ARHGEF37: variants seen among roughly 807,000 people sequenced by gnomAD.
ARHGEF37 encodes the protein Rho guanine nucleotide exchange factor (GEF) 37.
In ARHGEF37, 55 loss-of-function variants were observed where a neutral mutation model predicts 71.1. The ratio of observed to expected loss-of-function variants is 0.77; its 90% CI spans 0.62 to 0.97. The LOEUF (loss-of-function observed/expected upper bound fraction) is 0.97, where lower values mean the gene tolerates loss of function less well. ARHGEF37 is among the 50% of genes least tolerant of loss of function. The probability of loss-of-function intolerance (pLI) is 0.00; values close to 1 mark genes in which losing one functional copy is unlikely to be tolerated. For synonymous variants in ARHGEF37, 327 were observed against 350.6 expected, an observed-to-expected ratio of 0.93 and a Z score of 0.75; for missense variants, 765 against 836.8, an observed-to-expected ratio of 0.91 and a Z score of 1.06.
chr5:149,556,367 T>TATTG (rs1163671625), intron 1 of ARHGEF37, among the ~76,000 whole-genome samples: 1 of 21,834 alleles, frequency 4.6e-5, no homozygotes, highest in African/African-American at 7.1e-4. Context: ...CTAGTTTTTG[T>TATTG]ATTTATTTAT....
intron 1 of ARHGEF37, among the ~76,000 whole-genome samples, chr5:149,575,818 C>A (rs545763403): frequency 2.4e-4 from 37 of 151,792 alleles, no homozygotes; most frequent in African/African-American, 8.5e-4. Context: ...AGTAGCTGGG[C>A]AGATTGCTTG....
rs1255955006 is a variant in ARHGEF37 at position 149,620,475 on chromosome 5, C to A, written c.1005+11C>A. On this transcript the variant is annotated intron_variant, in intron 8 of 12. Coordinates refer to ENST00000333677, the MANE Select transcript of ARHGEF37 (RefSeq NM_001001669.3). ...GCCTTCCTGAAATTTGTGAGTGGAA[C>A]CTTTCCTTTCTCCTTTCTTTGTTAG... 7 of 1,573,356 alleles carry A rather than the reference C, an allele frequency of 4.4e-6. No homozygotes were observed. The highest frequency in any genetic ancestry group is 6.1e-6 in the Non-Finnish European group (7 of 1,147,720).
chr5:149,618,786 A>G, intron 6 of ARHGEF37, 152 bp from the exon 7 acceptor site: 1 of 690,066 alleles, frequency 1.4e-6, no homozygotes, highest in African/African-American at 1.8e-5. Flanking sequence ...AAAACCACTG[A>G]GCTACACCAC....
At chr5:149,619,939 G>T (rs574915150) in intron 7 of ARHGEF37, among the ~76,000 whole-genome samples, 1 of 152,216 alleles carries the variant, frequency 6.6e-6, no homozygotes, top group Non-Finnish European at 1.5e-5. Context: ...CAGGCAAGGT[G>T]TCACACGCCT....
At chr5:149,610,470 A>T (rs1007736491) in intron 4 of ARHGEF37, among the ~76,000 whole-genome samples, 1 of 152,198 alleles carries the variant, frequency 6.6e-6, no homozygotes, top group African/African-American at 2.4e-5. Context: ...AAAACTTTAA[A>T]ACATCAAAAT....
At chr5:149,588,774 T>C (rs1424775045) in intron 1 of ARHGEF37, among the ~76,000 whole-genome samples, 1 of 152,124 alleles carries the variant, frequency 6.6e-6, no homozygotes, top group Non-Finnish European at 1.5e-5. Flanking sequence ...AAATTAAAAA[T>C]AAATAAATAA....
intron 1 of ARHGEF37, among the ~76,000 whole-genome samples, chr5:149,575,671 ATTTTT>A (rs751297275): frequency 9.3e-6 from 1 of 107,284 alleles, no homozygotes; most frequent in Admixed American, 9.2e-5. Flanking sequence ...CCAAATGACT[ATTTTT>A]TTTTTTTTTT....
chr5:149,619,553 T>A (rs1035127345), intron 7 of ARHGEF37, among the ~76,000 whole-genome samples: 1 of 152,190 alleles, frequency 6.6e-6, no homozygotes, highest in Non-Finnish European at 1.5e-5. Flanking sequence ...TGGGGGGTTG[T>A]TGCTGGGTGA....
intron 1 of ARHGEF37, among the ~76,000 whole-genome samples, chr5:149,587,192 C>CA (rs1763264617): frequency 6.6e-6 from 1 of 152,180 alleles, no homozygotes; most frequent in African/African-American, 2.4e-5. Context: ...CTCAGTCTCT[C>CA]AGCTCTGTTT....
In ARHGEF37 at chr5:149,597,962, G is replaced by A. The variant is rs745574221; in HGVS notation, c.186+7G>A. ...CAGGAGCCGCCTCCAGCAGGTACTT[G>A]GGTGGGGTCACACACAACCTGTCTT... On this transcript the variant is annotated splice_region_variant and intron_variant, in intron 2 of 12. Transcript: ENST00000333677. 18 of 1,574,122 alleles carry A rather than the reference G, an allele frequency of 1.1e-5. No homozygotes were observed. Among genetic ancestry groups the A allele is most frequent in the South Asian group, 2.3e-5 (2 of 85,192 alleles).
intron 1 of ARHGEF37, among the ~76,000 whole-genome samples, chr5:149,597,256 C>G (rs1404390804): frequency 6.6e-6 from 1 of 151,932 alleles, no homozygotes. Flanking sequence ...CAAGAATTAT[C>G]TATTAAAAAA....
rs373411073 is a variant in ARHGEF37 at position 149,566,530 on chromosome 5, A to AAAC, written c.-12+14428_-12+14430dup. On this transcript the variant is annotated intron_variant, in intron 1 of 2. Transcript: ENST00000505810. ...ATCCTCCCCCCCAAAAAAACCAACC[A>AAAC]AACAACAACAACAACAACAACAAAA... Among the ~76,000 whole-genome samples, 34 of 135,680 alleles carry AAAC rather than the reference A, an allele frequency of 2.5e-4. No individual in the cohort carries two copies. The South Asian group carries it at 2.9e-3, about 12-fold the overall frequency. The allele number at this position is 135,680 out of a possible 152,430, so 89.0% of individuals were successfully genotyped here.
intron 1 of ARHGEF37, among the ~76,000 whole-genome samples, chr5:149,582,590 A>G (rs1763134045): frequency 1.3e-5 from 2 of 152,356 alleles, no homozygotes; most frequent in African/African-American, 2.4e-5. Flanking sequence ...GCTGACGATT[A>G]TAGGGTGACT....
intron 1 of ARHGEF37, among the ~76,000 whole-genome samples, chr5:149,584,011 C>G (rs1763171023): frequency 6.6e-6 from 1 of 152,174 alleles, no homozygotes; most frequent in African/African-American, 2.4e-5. Flanking sequence ...CCTCCCACCT[C>G]AGCCTCCCAA....
intron 3 of ARHGEF37, among the ~76,000 whole-genome samples, chr5:149,607,828 A>G (rs1763958818): frequency 7.3e-6 from 1 of 137,194 alleles, no homozygotes; most frequent in Non-Finnish European, 1.5e-5. Context: ...GTGCAGTGGC[A>G]CGATCTCAGC....
At chr5:149,554,786 A>G (rs1245574146) in intron 1 of ARHGEF37, among the ~76,000 whole-genome samples, 1 of 152,166 alleles carries the variant, frequency 6.6e-6, no homozygotes, top group Non-Finnish European at 1.5e-5. Context: ...TTGCTGTTAA[A>G]GTCACAAATC....
chr5:149,556,022 G>A (rs966969352), intron 1 of ARHGEF37, among the ~76,000 whole-genome samples: 10 of 151,960 alleles, frequency 6.6e-5, no homozygotes, highest in Admixed American at 5.2e-4. Flanking sequence ...CTCAAGCAAC[G>A]GTCACTGGTA....
rs529686742 is a variant in ARHGEF37, at chr5:149,591,363, G to A, written c.-11-6396G>A. Among the ~76,000 whole-genome samples the A allele has an allele frequency of 3.4e-4, 52 of 152,134 alleles. No homozygotes were observed. The South Asian group carries it at 7.7e-3, about 22-fold the overall frequency. The stretch of plus-strand genomic sequence containing the variant: ...CTCCCAAAGTTTGAGGATTACAGGC[G>A]TGAGCCACCGTGCTCGGCCAGCCTT... On this transcript the variant is annotated intron_variant, in intron 1 of 12. Coordinates refer to ENST00000333677, the MANE Select transcript of ARHGEF37 (RefSeq NM_001001669.3).
chr5:149,581,436 C>T (rs1051344693), upstream of ARHGEF37: 1 of 152,118 alleles, frequency 6.6e-6, no homozygotes, highest in Non-Finnish European at 1.5e-5. Context: ...CCAGCCACCC[C>T]CTCGCGGCGC....
Sources: allele counts gnomAD v4.1 joint callset (sites outside exome capture counted in the v4.1 genomes callset), GRCh38; gene constraint gnomAD v4.1.1; transcripts MANE v1.5; gene names NCBI Gene and HGNC (gene_info 2026-07-23, HGNC 2026-07-21).